Variants in PTPRG observed in about 807,000 individuals in gnomAD.
The protein encoded by PTPRG is protein tyrosine phosphatase receptor type G.
In PTPRG, 102 loss-of-function variants were observed where a neutral mutation model predicts 165.3. The ratio of observed to expected loss-of-function variants is 0.62; its 90% CI spans 0.53 to 0.73. The LOEUF (loss-of-function observed/expected upper bound fraction) is 0.73. Ranked by LOEUF, PTPRG falls within the 30% of genes least tolerant of loss-of-function variation. PTPRG has a pLI of 0.00. For synonymous variants in PTPRG, 675 were observed against 669.5 expected (o/e 1.01, Z -0.13); for missense variants, 1,866 against 1,861.4 (o/e 1.00, Z -0.05).
At chr3:61,950,285 C>T (rs1380588309) in intron 2 of PTPRG, among the ~76,000 whole-genome samples, 9 of 152,152 alleles carry the variant, frequency 5.9e-5, no homozygotes, top group Admixed American at 5.2e-4. Context: ...TCCTCTTATG[C>T]CCCTGCAGTT....
At chr3:62,108,042 CGCTCT>C (rs1346910491) in intron 5 of PTPRG, among the ~76,000 whole-genome samples, 221 of 149,424 alleles carry the variant, frequency 1.5e-3, no homozygotes, top group Non-Finnish European at 2.7e-3. Flanking sequence ...ATTTCTCTCT[CGCTCT>C]TTTTTTTTTT....
intron 2 of PTPRG, among the ~76,000 whole-genome samples, chr3:61,832,297 A>G (rs2036319535): frequency 6.6e-6 from 1 of 152,246 alleles, no homozygotes; most frequent in Non-Finnish European, 1.5e-5. Context: ...TTGGTGCCTA[A>G]AATAATAACT....
At chr3:61,926,672 A>G (rs534452812) in intron 2 of PTPRG, among the ~76,000 whole-genome samples, 3 of 144,826 alleles carry the variant, frequency 2.1e-5, no homozygotes, top group Non-Finnish European at 4.5e-5. Flanking sequence ...TATCAGTGCA[A>G]GAACAGATTA....
chr3:62,266,078 A>G (rs1701865501), intron 17 of PTPRG, among the ~76,000 whole-genome samples: 1 of 152,180 alleles, frequency 6.6e-6, no homozygotes, highest in Admixed American at 6.5e-5. Context: ...GAAAACCATC[A>G]TCTCTGGTTA....
At chr3:62,115,055 A>G (rs1035038463) in intron 5 of PTPRG, among the ~76,000 whole-genome samples, 13 of 152,242 alleles carry the variant, frequency 8.5e-5, no homozygotes, top group Admixed American at 1.3e-4. Context: ...TGTTGCAATT[A>G]TACAGAGGCA....
intron 1 of PTPRG, among the ~76,000 whole-genome samples, chr3:61,746,208 A>ATTTTTTTTTTTT (rs750697053): frequency 1.1e-4 from 9 of 81,322 alleles, no homozygotes; most frequent in South Asian, 5.1e-4. Flanking sequence ...ACACACTCTA[A>ATTTTTTTTTTTT]TTTTTTTTTT....
At chr3:62,282,326 C>T (rs201087410) in intron 27 of PTPRG, among the ~76,000 whole-genome samples, 3 of 151,858 alleles carry the variant, frequency 2.0e-5, no homozygotes, top group Admixed American at 6.6e-5. Context: ...TGGGCTCAAG[C>T]GATCCTTTCA....
intron 2 of PTPRG, among the ~76,000 whole-genome samples, chr3:61,754,413 A>G (rs1169059359): frequency 6.6e-6 from 1 of 152,214 alleles, no homozygotes; most frequent in Non-Finnish European, 1.5e-5. Flanking sequence ...CTGTTCATAT[A>G]AACATCTTGT....
Position 61,606,302 on chromosome 3 carries a change from A to G in PTPRG, c.85+43930A>G, listed in dbSNP as rs539941320. ...TTGCCTGCGACGTGGCTGTCTCCAC[A>G]ATGTGGATGTTTGCTTCTCCAAGGC... On this transcript the variant is annotated intron_variant, in intron 1 of 29. Transcript: ENST00000474889. Among the ~76,000 whole-genome samples, 62 of 152,232 alleles carry G rather than the reference A, an allele frequency of 4.1e-4. 1 individual carries two copies. The highest frequency in any genetic ancestry group is 1.9e-4 in the Non-Finnish European group (13 of 68,012).
chr3:61,684,064 G>T (rs1453523687), intron 1 of PTPRG, among the ~76,000 whole-genome samples: 4 of 152,206 alleles, frequency 2.6e-5, no homozygotes, highest in Non-Finnish European at 5.9e-5. Flanking sequence ...AGACTAAACA[G>T]CTATGAGGGA....
At chr3:62,017,593 T>A (rs1425834171) in intron 4 of PTPRG, among the ~76,000 whole-genome samples, 1 of 44,428 alleles carries the variant, frequency 2.3e-5, no homozygotes. Context: ...TTTTTTGTAT[T>A]TTTTTTTTTT....
At chr3:61,817,988 T>C (rs1271208212) in intron 2 of PTPRG, among the ~76,000 whole-genome samples, 3 of 152,006 alleles carry the variant, frequency 2.0e-5, no homozygotes, top group African/African-American at 7.3e-5. Context: ...AGTGTGGAAG[T>C]TGAGAAGACA....
intron 12 of PTPRG, among the ~76,000 whole-genome samples, chr3:62,216,218 G>GAA (rs11386316): frequency 1.1e-3 from 143 of 135,682 alleles, no homozygotes; most frequent in South Asian, 2.3e-3. Flanking sequence ...TTTCAAAAAA[G>GAA]AAAAAAAAAA....
chr3:61,993,747 T>C (rs961426441), intron 3 of PTPRG, among the ~76,000 whole-genome samples: 1 of 152,242 alleles, frequency 6.6e-6, no homozygotes, highest in African/African-American at 2.4e-5. Flanking sequence ...TGTGGAACTT[T>C]ATATTCCAGG....
chr3:62,113,968 G>A lies in PTPRG; in HGVS notation c.616-18634G>A, dbSNP rs187637104. 2.0e-3 allele frequency among the ~76,000 whole-genome samples: 298 copies of A among 152,264 alleles called. 2 individuals are homozygous for A. The highest frequency in any genetic ancestry group is 1.9e-3 in the East Asian group (10 of 5,188). On this transcript the variant is annotated intron_variant, in intron 5 of 29. Transcript: ENST00000474889. The stretch of plus-strand genomic sequence containing the variant: ...ATGTTGTATTGATATGTTTATGCCC[G>A]TATCCACTTATCCACATTATTTTTT...
chr3:61,841,790 C>A (rs1052785123), intron 2 of PTPRG, among the ~76,000 whole-genome samples: 1 of 151,954 alleles, frequency 6.6e-6, no homozygotes, highest in African/African-American at 2.4e-5. Flanking sequence ...TGTGCCAGGG[C>A]GACAGAGCGA....
intron 7 of PTPRG, among the ~76,000 whole-genome samples, chr3:62,166,972 C>T (rs1178628648): frequency 4.6e-5 from 7 of 152,114 alleles, no homozygotes; most frequent in Non-Finnish European, 7.3e-5. Context: ...CTTGAGTCAC[C>T]GCACCTGGCC....
Position 61,748,996 on chromosome 3 carries a change from T to C in PTPRG, c.190+14T>C, listed in dbSNP as rs758701177. The C allele has an allele frequency of 1.9e-6, 3 of 1,601,796 alleles. No homozygotes were observed. The highest frequency in any genetic ancestry group is 4.5e-5 in the East Asian group (2 of 44,814). ...GGGCCTACTCTGGTAAGTCCAGTTG[T>C]TCTAATGGAGATCACACAGGCCAGT... On this transcript the variant is annotated intron_variant, in intron 2 of 29. Transcript: ENST00000474889.
At chr3:61,676,471 A>AAG (rs1553648154) in intron 1 of PTPRG, among the ~76,000 whole-genome samples, 4 of 99,022 alleles carry the variant, frequency 4.0e-5, no homozygotes, top group Admixed American at 1.3e-4. Flanking sequence ...AAAAAAAAAA[A>AAG]AAAGAAAATT....
Sources: allele counts gnomAD v4.1 joint callset (sites outside exome capture counted in the v4.1 genomes callset), GRCh38; gene constraint gnomAD v4.1.1; transcripts MANE v1.5; gene names NCBI Gene and HGNC (gene_info 2026-07-23, HGNC 2026-07-21).